Variants in PLXNA4 observed in about 807,000 individuals in gnomAD.
PLXNA4 encodes the protein plexin-A4.
A neutral mutation model predicts 191.8 loss-of-function variants in PLXNA4; 44 were observed. The observed-to-expected ratio is 0.23, with a 90% CI of 0.18 to 0.29. The LOEUF is 0.29. PLXNA4 is among the 10% of genes least tolerant of loss of function. The pLI, the probability that PLXNA4 is intolerant of heterozygous loss-of-function variation, is 1.00. For missense variants in PLXNA4, 1,800 were observed against 2,488.8 expected, an observed-to-expected ratio of 0.72 and a Z score of 5.89; for synonymous variants, 1,082 against 1,009.5, an observed-to-expected ratio of 1.07 and a Z score of -1.36.
chr7:132,563,387 C>T (rs1226208345), intron 1 of PLXNA4, among the ~76,000 whole-genome samples: 6 of 104,102 alleles, frequency 5.8e-5, no homozygotes, highest in Non-Finnish European at 9.9e-5. Context: ...TCTCCTCCTC[C>T]TCCTCTTTCT....
intron 3 of PLXNA4, chr7:132,385,400 C>G (rs188544537): frequency 1.5e-5 from 21 of 1,413,908 alleles, no homozygotes; most frequent in Middle Eastern, 1.8e-4. Context: ...ATATGTATTA[C>G]AGTTCTGAAA....
chr7:132,422,581 G>T (rs1174860378), intron 3 of PLXNA4, among the ~76,000 whole-genome samples: 3 of 152,190 alleles, frequency 2.0e-5, no homozygotes, highest in Non-Finnish European at 4.4e-5. Flanking sequence ...ATTCGTGTTG[G>T]CCATATCTAA....
rs1368165725 is a variant in PLXNA4 at position 132,174,784 on chromosome 7, G to A, written c.4011C>T (p.Asp1337=). 6.2e-7 allele frequency: 1 copy of A among 1,613,892 alleles called. No homozygotes were observed. The highest frequency in any genetic ancestry group is 8.5e-7 in the Non-Finnish European group (1 of 1,179,904). Residue 1337 remains aspartate (D), a synonymous_variant, in exon 21 of 32, where the codon GAC becomes GAT. Coordinates refer to ENST00000321063, the MANE Select transcript of PLXNA4 (RefSeq NM_020911.2). ...ATGGAGCACTGCTTCTCACCTCAAG[G>A]TCCCGGAGGACAGGGTGGTCTTCAA... ...PGIEDHPVLR[D]LEVPGYRQER...
intron 3 of PLXNA4, among the ~76,000 whole-genome samples, chr7:132,365,328 C>CGTGTGT (rs3057957): frequency 0.011 from 1,625 of 143,044 alleles, 21 homozygotes; most frequent in South Asian, 0.021. Context: ...CTACGGCCCG[C>CGTGTGT]GTGTGTGTGT....
chr7:132,234,453 C>T (rs937678110), intron 5 of PLXNA4, among the ~76,000 whole-genome samples: 1 of 152,150 alleles, frequency 6.6e-6, no homozygotes, highest in East Asian at 1.9e-4. Flanking sequence ...CAGAGGTAGG[C>T]CAGCTCCTCT....
intron 2 of PLXNA4, among the ~76,000 whole-genome samples, chr7:132,621,646 G>C (rs1308990803): frequency 6.6e-6 from 1 of 152,162 alleles, no homozygotes; most frequent in Non-Finnish European, 1.5e-5. Context: ...GGAAAAAATA[G>C]TGAGAAATGA....
rs1797003201 is a variant in PLXNA4 at position 132,189,036 on chromosome 7, G to GAGAA, written c.2857-1430_2857-1429insTTCT. Among the ~76,000 whole-genome samples, 2 of 46,312 alleles carry GAGAA rather than the reference G, an allele frequency of 4.3e-5. 1 individual carries two copies. The highest frequency in any genetic ancestry group is 8.2e-5 in the Non-Finnish European group (2 of 24,322). 30.4% of individuals were successfully genotyped at this position (46,312 alleles called of 152,430 possible). ...AGAGAGAGAGAGAGAGAGAAAGAGAGAGAGAGAGAGAGAGAGAGAGAGAGA... is the reference window on the plus strand; with the variant it reads ...AGAGAGAGAGAGAGAGAGAAAGAGAGAGAAAGAGAGAGAGAGAGAGAGAGAGAGA... On this transcript the variant is annotated intron_variant, in intron 14 of 31. Transcript: ENST00000321063.
chr7:132,149,060 T>C (rs778982450), intron 25 of PLXNA4, among the ~76,000 whole-genome samples: 4 of 152,158 alleles, frequency 2.6e-5, no homozygotes, highest in Non-Finnish European at 4.4e-5. Context: ...TTAGAGCTGA[T>C]GAAATCAAGG....
intron 9 of PLXNA4, among the ~76,000 whole-genome samples, chr7:132,222,560 C>G (rs1052683414): frequency 6.6e-6 from 1 of 152,032 alleles, no homozygotes; most frequent in African/African-American, 2.4e-5. Context: ...GGTCATGACA[C>G]CTGTGTGGTG....
At chr7:132,278,317 C>T (rs1457637122) in intron 4 of PLXNA4, among the ~76,000 whole-genome samples, 2 of 152,106 alleles carry the variant, frequency 1.3e-5, no homozygotes, top group Admixed American at 1.3e-4. Context: ...ATTTCATAGG[C>T]CTGAGGAGGA....
intron 3 of PLXNA4, among the ~76,000 whole-genome samples, chr7:132,336,888 T>C (rs1257530499): frequency 1.3e-5 from 2 of 152,226 alleles, no homozygotes; most frequent in Non-Finnish European, 2.9e-5. Flanking sequence ...TTAACTCCTA[T>C]AGTTAAAAGC....
At chr7:132,542,130 T>C (rs987833944) in intron 1 of PLXNA4, among the ~76,000 whole-genome samples, 31 of 152,176 alleles carry the variant, frequency 2.0e-4, no homozygotes, top group African/African-American at 7.5e-4. Context: ...CAACCTCTAC[T>C]GAGTTTTATG....
chr7:132,137,412 CAAT>C, intron 30 of PLXNA4, among the ~76,000 whole-genome samples: 1 of 68,838 alleles, frequency 1.5e-5, no homozygotes, highest in Admixed American at 1.5e-4. Context: ...CAGAGGAAAT[CAAT>C]CACTACTAAA....
chr7:132,333,140 G>A (rs551692799), intron 3 of PLXNA4, among the ~76,000 whole-genome samples: 3 of 152,282 alleles, frequency 2.0e-5, no homozygotes, highest in Admixed American at 6.5e-5. Context: ...TGCTGTGGTC[G>A]GAAACTAGGA....
At chr7:132,551,726 T>C (rs765974205) in intron 1 of PLXNA4, among the ~76,000 whole-genome samples, 3 of 152,192 alleles carry the variant, frequency 2.0e-5, no homozygotes, top group Non-Finnish European at 2.9e-5. Flanking sequence ...CAAAGGGTGT[T>C]AGTGACTGTC....
intron 3 of PLXNA4, among the ~76,000 whole-genome samples, chr7:132,437,891 G>A (rs908327264): frequency 9.2e-5 from 14 of 152,220 alleles, no homozygotes; most frequent in Admixed American, 6.5e-5. Flanking sequence ...TGTCTCCACT[G>A]AGAAAGAGAG....
chr7:132,176,740 G>A (rs181819647), intron 20 of PLXNA4, among the ~76,000 whole-genome samples: 60 of 152,242 alleles, frequency 3.9e-4, no homozygotes, highest in African/African-American at 1.4e-3. Context: ...GTATGTGTGT[G>A]AATGTGAGTG....
intron 3 of PLXNA4, among the ~76,000 whole-genome samples, chr7:132,486,577 A>G (rs145915247): frequency 1.4e-4 from 21 of 152,334 alleles, no homozygotes; most frequent in African/African-American, 4.8e-4. Context: ...TGGCCGCCCC[A>G]GTGGCCTGGC....
At chr7:132,179,982 C>T (rs960096052) in intron 19 of PLXNA4, 61 bp from the exon 20 acceptor site, 1 of 1,518,812 alleles carries the variant, frequency 6.6e-7, no homozygotes, top group Non-Finnish European at 8.8e-7. Context: ...TGGCAACAGT[C>T]CCAAGTTACC....
Sources: allele counts gnomAD v4.1 joint callset (sites outside exome capture counted in the v4.1 genomes callset), GRCh38; gene constraint gnomAD v4.1.1; transcripts MANE v1.5; gene names NCBI Gene and HGNC (gene_info 2026-07-23, HGNC 2026-07-21).